Variants in ZNF385D observed in about 807,000 individuals in gnomAD.
The protein encoded by ZNF385D is zinc finger protein 659.
A neutral mutation model predicts 35.8 loss-of-function variants in ZNF385D; 15 were observed. The observed-to-expected ratio is 0.42, with a 90% CI of 0.28 to 0.64. The LOEUF (loss-of-function observed/expected upper bound fraction) is 0.64, where lower values mean the gene tolerates loss of function less well. ZNF385D is among the 30% of genes least tolerant of loss of function. ZNF385D has a pLI of 0.23. For missense variants in ZNF385D, 474 were observed against 494.6 expected (o/e 0.96, Z 0.39); for synonymous variants, 212 against 186.8 (o/e 1.13, Z -1.10).
intron 5 of ZNF385D, among the ~76,000 whole-genome samples, chr3:21,425,932 G>A (rs893866164): frequency 4.6e-5 from 7 of 151,756 alleles, no homozygotes; most frequent in African/African-American, 1.2e-4. Context: ...CTAATGCTCC[G>A]CATTACAAAC....
At chr3:21,851,743 T>A (rs966963560) in intron 3 of ZNF385D, among the ~76,000 whole-genome samples, 1 of 152,036 alleles carries the variant, frequency 6.6e-6, no homozygotes, top group Non-Finnish European at 1.5e-5. Flanking sequence ...CCACTGCATT[T>A]AAAAAGGTGC....
intron 2 of ZNF385D, among the ~76,000 whole-genome samples, chr3:22,217,559 CAT>C (rs942927757): frequency 3.9e-5 from 6 of 152,118 alleles, no homozygotes; most frequent in African/African-American, 1.4e-4. Flanking sequence ...GACTTTAACA[CAT>C]GAGCTTTTAT....
At chr3:22,365,758 G>T (rs1056608724) in intron 2 of ZNF385D, among the ~76,000 whole-genome samples, 2 of 151,916 alleles carry the variant, frequency 1.3e-5, no homozygotes, top group Non-Finnish European at 2.9e-5. Context: ...AAGTACTTTT[G>T]GTCTTTCCTC....
intron 2 of ZNF385D, among the ~76,000 whole-genome samples, chr3:21,654,446 C>T (rs898500532): frequency 1.3e-5 from 2 of 152,002 alleles, no homozygotes; most frequent in Non-Finnish European, 1.5e-5. Context: ...AATTACGTAG[C>T]GCTAAAGGAA....
chr3:21,859,954 A>T (rs1696958052), intron 3 of ZNF385D, among the ~76,000 whole-genome samples: 1 of 152,056 alleles, frequency 6.6e-6, no homozygotes, highest in African/African-American at 2.4e-5. Context: ...TGAAATGGGG[A>T]AATAATTTCA....
intron 2 of ZNF385D, among the ~76,000 whole-genome samples, chr3:21,651,412 A>T (rs2065910010): frequency 2.0e-5 from 3 of 152,026 alleles, no homozygotes. Flanking sequence ...CTAAAATGGA[A>T]CATATTCATC....
chr3:21,901,823 G>T lies in ZNF385D; in HGVS notation c.326-236795C>A, dbSNP rs572761377. Among the ~76,000 whole-genome samples the T allele has an allele frequency of 5.9e-5, 9 of 152,290 alleles. No homozygotes were observed. In the East Asian group the frequency reaches 1.7e-3, roughly 29 times the overall value. ...GACCCAGACTAACAGGTTATTTGAGGTTAAAAAGGAAAGTAGAAATACTTG... is the reference window on the plus strand; with the variant it reads ...GACCCAGACTAACAGGTTATTTGAGTTTAAAAAGGAAAGTAGAAATACTTG... On this transcript the variant is annotated intron_variant, in intron 3 of 5. Coordinates refer to the ZNF385D transcript ENST00000494108.
intron 5 of ZNF385D, 129 bp from the exon 6 acceptor site, chr3:21,425,799 T>C (rs1044767901): frequency 1.3e-6 from 1 of 743,466 alleles, no homozygotes; most frequent in Non-Finnish European, 1.9e-6. Flanking sequence ...TAACAAAATC[T>C]GATGCCTCAT....
At chr3:21,835,547 G>C (rs143179192) in intron 3 of ZNF385D, among the ~76,000 whole-genome samples, 1 of 150,858 alleles carries the variant, frequency 6.6e-6, no homozygotes, top group South Asian at 2.1e-4. Flanking sequence ...AACCAAATAC[G>C]TATGTTCACT....
chr3:21,563,731 T>C (rs1253567980), intron 3 of ZNF385D, among the ~76,000 whole-genome samples: 1 of 152,160 alleles, frequency 6.6e-6, no homozygotes, highest in Non-Finnish European at 1.5e-5. Context: ...GATGGAGCCT[T>C]CTGTTTGCCT....
chr3:22,157,357 G>C (rs557269677), intron 3 of ZNF385D, among the ~76,000 whole-genome samples: 2 of 152,092 alleles, frequency 1.3e-5, no homozygotes, highest in South Asian at 4.2e-4. Context: ...TTATATTTTT[G>C]ATACCTTTAT....
At chr3:21,735,875 T>C (rs6776669) in intron 1 of ZNF385D, among the ~76,000 whole-genome samples, 6,555 of 152,274 alleles carry the variant, frequency 0.043, 481 homozygotes, top group African/African-American at 0.15. Flanking sequence ...ATTGCTATGA[T>C]TGTCCTGAAG....
At chr3:21,424,961 T>G (rs1436939035) in intron 6 of ZNF385D, among the ~76,000 whole-genome samples, 1 of 152,200 alleles carries the variant, frequency 6.6e-6, no homozygotes, top group African/African-American at 2.4e-5. Flanking sequence ...TTTGGAAGAC[T>G]ATTCATAGTA....
chr3:21,528,342 T>C (rs233154), intron 3 of ZNF385D, among the ~76,000 whole-genome samples: 124,647 of 152,050 alleles, frequency 0.82, 51,430 homozygotes, highest in African/African-American at 0.91. Context: ...TTTCTTCTTC[T>C]GTGACACACA....
At chr3:22,317,280 CAAAAAAAAA>C (rs59675675) in intron 2 of ZNF385D, among the ~76,000 whole-genome samples, 9 of 26,104 alleles carry the variant, frequency 3.4e-4, no homozygotes, top group Admixed American at 1.2e-3. Context: ...ACTCCATCTC[CAAAAAAAAA>C]AAAAAAAAAA....
chr3:21,887,291 C>A (rs2125874885), intron 3 of ZNF385D, among the ~76,000 whole-genome samples: 1 of 152,104 alleles, frequency 6.6e-6, no homozygotes, highest in African/African-American at 2.4e-5. Context: ...TATCTACTAC[C>A]AATAATTAAT....
At chr3:21,927,692 G>C (rs529592457) in intron 3 of ZNF385D, among the ~76,000 whole-genome samples, 56 of 152,246 alleles carry the variant, frequency 3.7e-4, no homozygotes, top group African/African-American at 1.3e-3. Flanking sequence ...TGAATATTCT[G>C]ATATCAGACA....
intron 3 of ZNF385D, among the ~76,000 whole-genome samples, chr3:21,829,721 T>G (rs973571526): frequency 6.6e-6 from 1 of 151,960 alleles, no homozygotes. Flanking sequence ...AGGCTTTCCA[T>G]GTGGGAGATG....
chr3:22,264,777 G>A (rs1576585781), intron 2 of ZNF385D, among the ~76,000 whole-genome samples: 1 of 151,960 alleles, frequency 6.6e-6, no homozygotes, highest in East Asian at 1.9e-4. Context: ...GCAATGAACT[G>A]CATTGAAATA....
Sources: allele counts gnomAD v4.1 joint callset (sites outside exome capture counted in the v4.1 genomes callset), GRCh38; gene constraint gnomAD v4.1.1; transcripts MANE v1.5; gene names NCBI Gene and HGNC (gene_info 2026-07-23, HGNC 2026-07-21).